ERGIC1: variants seen among roughly 807,000 people sequenced by gnomAD.
ERGIC1 encodes endoplasmic reticulum-Golgi intermediate compartment protein 1.
ERGIC1 carries 19 observed loss-of-function variants against 38.3 expected under a neutral mutation model. The observed-to-expected ratio is 0.50, with a 90% confidence interval of 0.35 to 0.73. The LOEUF is 0.73. Among genes scored for constraint, ERGIC1 ranks in the 30% least tolerant of loss-of-function variants. The pLI is 0.01. For missense variants in ERGIC1, 294 were observed against 389.2 expected, an observed-to-expected ratio of 0.76 and a Z score of 2.06; for synonymous variants, 124 against 157.6, an observed-to-expected ratio of 0.79 and a Z score of 1.60.
chr5:172,930,335 G>C (rs1289457269), intron 7 of ERGIC1, among the ~76,000 whole-genome samples: 3 of 149,002 alleles, frequency 2.0e-5, no homozygotes, highest in Non-Finnish European at 4.4e-5. Flanking sequence ...TGTCCTTGGT[G>C]ATCACCTGTG....
chr5:172,912,208 A>T (rs1763224516), intron 4 of ERGIC1, among the ~76,000 whole-genome samples: 2 of 151,868 alleles, frequency 1.3e-5, no homozygotes, highest in South Asian at 4.1e-4. Context: ...TGGCTATATT[A>T]AATCCACTGG....
intron 9 of ERGIC1, chr5:172,937,843 C>G (rs182107461): frequency 6.8e-6 from 1 of 146,626 alleles, no homozygotes; most frequent in Admixed American, 6.8e-5. Context: ...ACTAAAAATA[C>G]AAAAATTAGC....
chr5:172,887,668 C>G (rs921179258), intron 1 of ERGIC1, among the ~76,000 whole-genome samples: 8 of 152,296 alleles, frequency 5.3e-5, no homozygotes, highest in African/African-American at 1.9e-4. Flanking sequence ...CCTGAATTCT[C>G]CCACTACACC....
chr5:172,879,836 G>A (rs1024776982), intron 1 of ERGIC1, among the ~76,000 whole-genome samples: 6 of 152,110 alleles, frequency 3.9e-5, no homozygotes, highest in Admixed American at 1.3e-4. Flanking sequence ...ATTCTTTGTC[G>A]TGGGGGGACC....
At chr5:172,860,226 G>A (rs931832056) in intron 1 of ERGIC1, among the ~76,000 whole-genome samples, 2 of 152,216 alleles carry the variant, frequency 1.3e-5, no homozygotes, top group Non-Finnish European at 2.9e-5. Context: ...GTTCCCTGAC[G>A]GGGAACTAGC....
rs576927125 is a variant in ERGIC1, at chr5:172,945,352, C to T, written c.766-5357C>T. 1.1e-4 allele frequency among the ~76,000 whole-genome samples: 17 copies of T among 152,298 alleles called. No homozygotes were observed. In the South Asian group the frequency reaches 3.5e-3, roughly 32 times the overall value. Reference sequence around the variant, plus strand: ...CAGAGGGCCCTTAGAGTGCGTGGGCCCCCAGCGGCCACAAAGAATCTGCCT... The same window carrying T: ...CAGAGGGCCCTTAGAGTGCGTGGGCTCCCAGCGGCCACAAAGAATCTGCCT... On this transcript the variant is annotated intron_variant, in intron 9 of 9. Coordinates refer to ENST00000393784, the MANE Select transcript of ERGIC1 (RefSeq NM_001031711.3).
intron 1 of ERGIC1, among the ~76,000 whole-genome samples, chr5:172,869,141 G>A (rs1188790898): frequency 6.6e-6 from 1 of 152,258 alleles, no homozygotes; most frequent in African/African-American, 2.4e-5. Context: ...GAGGCTGAGG[G>A]AATGGCAGGC....
chr5:172,902,918 A>C (rs1484590712), intron 3 of ERGIC1, among the ~76,000 whole-genome samples: 1 of 151,758 alleles, frequency 6.6e-6, no homozygotes, highest in African/African-American at 2.4e-5. Context: ...ATGTCATCGA[A>C]CTCATGCCTC....
rs747330493 is a variant in ERGIC1, at chr5:172,932,470, G to A, written c.576G>A (p.Val192=). 3.1e-6 allele frequency: 5 copies of A among 1,614,214 alleles called. No individual in the cohort carries two copies. The East Asian group carries it at 1.1e-4, about 36-fold the overall frequency. ...CCCACGACTACATCCTGAAGATTGT[G>A]CCCACGGTTTATGAGGACAAGAGTG... is the stretch of plus-strand genomic sequence containing the variant. ...LASHDYILKI[V]PTVYEDKSGK... is the part of the protein sequence containing the mutation. Residue 192 remains valine (V), a synonymous_variant, in exon 8 of 10, where the codon GTG becomes GTA. Transcript: ENST00000393784.
chr5:172,852,533 T>C (rs1430379679), intron 1 of ERGIC1, among the ~76,000 whole-genome samples: 1 of 152,190 alleles, frequency 6.6e-6, no homozygotes, highest in Non-Finnish European at 1.5e-5. Flanking sequence ...GAGCCCCTCA[T>C]AGGCCGTCAG....
intron 1 of ERGIC1, among the ~76,000 whole-genome samples, chr5:172,862,191 A>G (rs1370149882): frequency 6.7e-6 from 1 of 148,828 alleles, no homozygotes; most frequent in Non-Finnish European, 1.5e-5. Flanking sequence ...GGGTTTCACC[A>G]TGTTGGCCAG....
At chr5:172,908,306 C>CGG (rs1219099283) in intron 3 of ERGIC1, among the ~76,000 whole-genome samples, 1 of 14,904 alleles carries the variant, frequency 6.7e-5, no homozygotes, top group South Asian at 6.1e-3. Context: ...GAGGCGGGGG[C>CGG]GGGGGGGGGG....
At chr5:172,882,238 G>A (rs990936222) in intron 1 of ERGIC1, among the ~76,000 whole-genome samples, 6 of 152,168 alleles carry the variant, frequency 3.9e-5, no homozygotes, top group African/African-American at 9.7e-5. Context: ...TGCTAGATTG[G>A]CAGCTTCATG....
In ERGIC1 at chr5:172,841,420, A is replaced by C. The variant is rs576974788; in HGVS notation, c.20+6987A>C. On this transcript the variant is annotated intron_variant, in intron 1 of 9. Coordinates refer to ENST00000393784, the MANE Select transcript of ERGIC1 (RefSeq NM_001031711.3). ...CTGGGAAACAGCTGGTGCCTCTGAC[A>C]GCGTAATCCTCATGCCCTTGACAAT... Among the ~76,000 whole-genome samples the C allele has an allele frequency of 4.6e-5, 7 of 152,358 alleles. No individual in the cohort carries two copies. In the East Asian group the frequency reaches 1.4e-3, roughly 29 times the overall value.
At chr5:172,899,873 CTAACT>C (rs1762827289) in intron 3 of ERGIC1, among the ~76,000 whole-genome samples, 1 of 152,216 alleles carries the variant, frequency 6.6e-6, no homozygotes, top group South Asian at 2.1e-4. Flanking sequence ...TAGCTGAAAG[CTAACT>C]TAATATAGTG....
At chr5:172,854,687 G>A (rs1272328361) in intron 1 of ERGIC1, among the ~76,000 whole-genome samples, 1 of 152,272 alleles carries the variant, frequency 6.6e-6, no homozygotes, top group East Asian at 1.9e-4. Flanking sequence ...CTGAGCAGCT[G>A]GGATGGGCTC....
At chr5:172,843,284 C>T (rs792976) in intron 1 of ERGIC1, among the ~76,000 whole-genome samples, 2,411 of 152,254 alleles carry the variant, frequency 0.016, 63 homozygotes, top group African/African-American at 0.054. Context: ...GTTTTCACTC[C>T]GTTAATGTTT....
At chr5:172,873,507 C>T (rs1042915722) in intron 1 of ERGIC1, among the ~76,000 whole-genome samples, 1 of 152,260 alleles carries the variant, frequency 6.6e-6, no homozygotes, top group African/African-American at 2.4e-5. Flanking sequence ...ACCCTGCATC[C>T]TTCACTCACT....
intron 1 of ERGIC1, among the ~76,000 whole-genome samples, chr5:172,887,013 C>T (rs921408376): frequency 5.9e-5 from 9 of 152,162 alleles, no homozygotes; most frequent in African/African-American, 1.7e-4. Flanking sequence ...GCTAAGCAGG[C>T]GGCAGAGAAA....
Sources: allele counts gnomAD v4.1 joint callset (sites outside exome capture counted in the v4.1 genomes callset), GRCh38; gene constraint gnomAD v4.1.1; transcripts MANE v1.5; gene names NCBI Gene and HGNC (gene_info 2026-07-23, HGNC 2026-07-21).